The following ZNF536 variants were observed in gnomAD, a reference collection of about 807,000 sequenced individuals.
The protein encoded by ZNF536 is zinc finger protein 536.
In ZNF536, 13 loss-of-function variants were observed where a neutral mutation model predicts 84.5. The observed-to-expected ratio is 0.15, with a 90% CI of 0.10 to 0.24. The LOEUF (loss-of-function observed/expected upper bound fraction) is 0.24. Ranked by LOEUF, ZNF536 falls within the 10% of genes least tolerant of loss-of-function variation. The pLI, the probability that ZNF536 is intolerant of heterozygous loss-of-function variation, is 1.00. For missense variants in ZNF536, 1,536 were observed against 1,747.5 expected (o/e 0.88, Z 2.16); for synonymous variants, 811 against 742.5 (o/e 1.09, Z -1.50).
intron 1 of ZNF536, among the ~76,000 whole-genome samples, chr19:30,433,790 C>T (rs916202144): frequency 2.0e-5 from 3 of 152,156 alleles, no homozygotes; most frequent in African/African-American, 7.2e-5. Context: ...AGCCACCATG[C>T]CTGGCCAACA....
In ZNF536 at chr19:30,599,192, T is replaced by C. The variant is rs1008091735; in HGVS notation, c.169+49678T>C. Among the ~76,000 whole-genome samples, 75 of 99,718 alleles carry C rather than the reference T, an allele frequency of 7.5e-4. 1 individual carries two copies. The highest frequency in any genetic ancestry group is 1.2e-3 in the Non-Finnish European group (58 of 49,942). The allele number at this position is 99,718 out of a possible 152,430, so 65.4% of individuals were successfully genotyped here. ...TTTCCCTCCTCTCTGTCTCGTTTCCTCTCTCCCTTCCTCCCTCCCTTCTTC... is the reference window on the plus strand; with the variant it reads ...TTTCCCTCCTCTCTGTCTCGTTTCCCCTCTCCCTTCCTCCCTCCCTTCTTC... On this transcript the variant is annotated intron_variant, in intron 1 of 1. Transcript: ENST00000592773.
intron 1 of ZNF536, among the ~76,000 whole-genome samples, chr19:30,571,284 G>A (rs1363239722): frequency 3.3e-5 from 5 of 152,128 alleles, no homozygotes; most frequent in African/African-American, 7.2e-5. Flanking sequence ...TTCTACTGGG[G>A]GTCTTTGAGG....
intron 2 of ZNF536, among the ~76,000 whole-genome samples, chr19:30,472,407 G>A (rs981569250): frequency 3.3e-5 from 5 of 152,142 alleles, no homozygotes; most frequent in African/African-American, 1.2e-4. Flanking sequence ...ATCTCACTGC[G>A]ACGGCTGCCT....
chr19:30,318,893 G>A (rs892026855), intron 2 of ZNF536, among the ~76,000 whole-genome samples: 2 of 152,150 alleles, frequency 1.3e-5, no homozygotes, highest in Admixed American at 6.5e-5. Context: ...TGCCTTTGGG[G>A]CAGTTTGCTC....
chr19:30,616,955 T>C (rs1221289902), intron 1 of ZNF536, among the ~76,000 whole-genome samples: 1 of 152,160 alleles, frequency 6.6e-6, no homozygotes, highest in Non-Finnish European at 1.5e-5. Flanking sequence ...AATATTGTGT[T>C]ATTTTATATA....
At chr19:30,483,462 G>C (rs527918336) in intron 2 of ZNF536, among the ~76,000 whole-genome samples, 2 of 151,830 alleles carry the variant, frequency 1.3e-5, no homozygotes, top group Non-Finnish European at 2.9e-5. Flanking sequence ...TGCCTGGCGG[G>C]GTGAACAGAC....
chr19:30,257,483 T>C (rs1215876712), intron 1 of ZNF536, among the ~76,000 whole-genome samples: 4 of 151,330 alleles, frequency 2.6e-5, no homozygotes, highest in Non-Finnish European at 5.9e-5. Flanking sequence ...TTTCTTTTTA[T>C]TTAAGTTTTA....
At chr19:30,628,271 G>A (rs34134693) in intron 1 of ZNF536, among the ~76,000 whole-genome samples, 65,173 of 152,026 alleles carry the variant, frequency 0.43, 15,117 homozygotes, top group Admixed American at 0.54. Context: ...CGCCTGCTAC[G>A]ATGCTGGCCC....
intron 2 of ZNF536, among the ~76,000 whole-genome samples, chr19:30,500,758 G>A (rs1203050014): frequency 6.6e-6 from 1 of 152,274 alleles, no homozygotes; most frequent in Admixed American, 6.5e-5. Context: ...GGATGGACAT[G>A]AGTCTTGCAA....
chr19:30,442,520 C>T (rs2052100642), intron 1 of ZNF536, among the ~76,000 whole-genome samples: 1 of 152,112 alleles, frequency 6.6e-6, no homozygotes, highest in South Asian at 2.1e-4. Context: ...TTATCTAGTT[C>T]TATAAAAGAC....
chr19:30,399,833 G>A (rs752024172), intron 1 of ZNF536, among the ~76,000 whole-genome samples: 11 of 151,894 alleles, frequency 7.2e-5, no homozygotes, highest in South Asian at 6.2e-4. Context: ...GATTACAGGC[G>A]CCCACCACCA....
chr19:30,434,892 C>T (rs907174397), intron 1 of ZNF536, among the ~76,000 whole-genome samples: 2 of 131,216 alleles, frequency 1.5e-5, no homozygotes, highest in Admixed American at 8.0e-5. Context: ...AGTGATGATG[C>T]TGCTGATGAT....
intron 2 of ZNF536, among the ~76,000 whole-genome samples, chr19:30,532,122 C>CTT (rs370513505): frequency 1.4e-5 from 2 of 147,898 alleles, no homozygotes; most frequent in Non-Finnish European, 3.0e-5. Flanking sequence ...AATTACCCTT[C>CTT]TTTTTTTTTT....
At chr19:30,454,596 C>T (rs2052752177) in intron 2 of ZNF536, among the ~76,000 whole-genome samples, 1 of 152,016 alleles carries the variant, frequency 6.6e-6, no homozygotes, top group African/African-American at 2.4e-5. Flanking sequence ...AGTAGTTTGC[C>T]CTGAAAAATT....
At chr19:30,364,414 C>T (rs2048363402) in intron 3 of ZNF536, among the ~76,000 whole-genome samples, 1 of 152,170 alleles carries the variant, frequency 6.6e-6, no homozygotes, top group Admixed American at 6.5e-5. Flanking sequence ...GCAATCCTAG[C>T]TACTCGGGAG....
chr19:30,644,466 G>C (rs1378796036), intron 1 of ZNF536, among the ~76,000 whole-genome samples: 1 of 151,984 alleles, frequency 6.6e-6, no homozygotes, highest in Non-Finnish European at 1.5e-5. Flanking sequence ...GCTGCACCCA[G>C]TAACTCGTCA....
intron 1 of ZNF536, among the ~76,000 whole-genome samples, chr19:30,406,778 C>T (rs1032646140): frequency 3.9e-5 from 6 of 152,078 alleles, no homozygotes; most frequent in Non-Finnish European, 8.8e-5. Context: ...CGGGTGTGCT[C>T]CTTTAAAGCA....
At chr19:30,658,656 T>G (rs1360720191) in intron 1 of ZNF536, among the ~76,000 whole-genome samples, 1 of 152,182 alleles carries the variant, frequency 6.6e-6, no homozygotes, top group East Asian at 1.9e-4. Context: ...ATTCCCTCTG[T>G]GGGTCCCATT....
At chr19:30,641,296 G>A (rs2049258522) in intron 1 of ZNF536, among the ~76,000 whole-genome samples, 1 of 152,036 alleles carries the variant, frequency 6.6e-6, no homozygotes, top group Admixed American at 6.6e-5. Context: ...TTAAAAAATA[G>A]AAAAAACTCC....
Sources: allele counts gnomAD v4.1 joint callset (sites outside exome capture counted in the v4.1 genomes callset), GRCh38; gene constraint gnomAD v4.1.1; transcripts MANE v1.5; gene names NCBI Gene and HGNC (gene_info 2026-07-23, HGNC 2026-07-21).